The following P3H1 variants were observed in gnomAD, a reference collection of about 807,000 sequenced individuals.
P3H1 encodes prolyl 3-hydroxylase 1.
P3H1 carries 69 observed loss-of-function variants against 84.0 expected under a neutral mutation model. The ratio of observed to expected loss-of-function variants is 0.82; its 90% CI spans 0.68 to 1.00. The LOEUF (loss-of-function observed/expected upper bound fraction) is 1.00, where lower values mean the gene tolerates loss of function less well. P3H1 is among the 50% of genes least tolerant of loss of function. The pLI is 0.00. For synonymous variants in P3H1, 366 were observed against 388.8 expected (o/e 0.94, Z 0.69); for missense variants, 878 against 962.8 (o/e 0.91, Z 1.17).
chr1:42,754,852 T>C lies in P3H1; in HGVS notation c.1345+17A>G. 6.2e-7 allele frequency: 1 copy of C among 1,614,090 alleles called. No homozygotes were observed. The highest frequency in any genetic ancestry group is 1.1e-5 in the South Asian group (1 of 91,066). On this transcript the variant is annotated intron_variant, in intron 8 of 14. Coordinates refer to ENST00000296388, the MANE Select transcript of P3H1 (RefSeq NM_022356.4). The surrounding 1 kb of genome is among the most constrained non-coding windows in gnomAD (Gnocchi z 4.0). Reference sequence around the variant, plus strand: ...CCCTGACAACAGCCAGACATGCCCCTATTTCTGTCCTCTCACCTTCCCGGG... The same window carrying C: ...CCCTGACAACAGCCAGACATGCCCCCATTTCTGTCCTCTCACCTTCCCGGG...
At chr1:42,756,962 A>G (rs1168412222) in intron 5 of P3H1, among the ~76,000 whole-genome samples, 1 of 152,260 alleles carries the variant, frequency 6.6e-6, no homozygotes, top group Non-Finnish European at 1.5e-5. Context: ...TCGCCTGGAC[A>G]GCGGCTCAAC....
rs149113630 is a variant in P3H1, at chr1:42,759,316, C to T, written c.693G>A (p.Ala231=). The change falls in exon 3 of 15, where the codon GCG becomes GCA. Residue 231 remains alanine, a synonymous_variant. Transcript: ENST00000296388. ...CATAGGCCACAAAGTATTCTTGCAG[C>T]GCCGCCTCTAGGTGGGGCACAGCTT... ...PQEAVPHLEA[A]LQEYFVAYEE... 910 of 1,614,182 alleles carry T rather than the reference C, an allele frequency of 5.6e-4. 1 individual carries two copies. The highest frequency in any genetic ancestry group is 7.3e-4 in the Non-Finnish European group (866 of 1,180,024).
In P3H1 at chr1:42,752,660, G is replaced by A. The variant is rs769720603; in HGVS notation, c.1350C>T (p.Gly450=). Residue 450 remains glycine, a synonymous_variant, in exon 9 of 15, where the codon GGC becomes GGT. Transcript: ENST00000296388. ...LDVSRLTREG[G]PLLYEGISLT... ...GACTGATGCCTTCATACAGCAGGGG[G>A]CCACCTGCAAAGCAATGACAAAACT... The A allele has an allele frequency of 1.9e-6, 3 of 1,614,194 alleles. No homozygotes were observed. The highest frequency in any genetic ancestry group is 1.1e-5 in the South Asian group (1 of 91,080).
chr1:42,757,935 A>G lies in P3H1; in HGVS notation c.941-13T>C. On this transcript the variant is annotated splice_polypyrimidine_tract_variant and intron_variant, in intron 4 of 14. Transcript: ENST00000296388. The stretch of plus-strand genomic sequence containing the variant: ...GTATAATTCCCAACTGCAAAGTGGA[A>G]AGAAGAATGGCTGAGAGGAAAGAGT... 1 of 1,612,244 alleles carries G rather than the reference A, an allele frequency of 6.2e-7. No homozygotes were observed. Among genetic ancestry groups the G allele is most frequent in the Non-Finnish European group, 8.5e-7 (1 of 1,178,224 alleles).
chr1:42,755,668 G>A (rs773121947), intron 5 of P3H1, 31 bp from the exon 6 acceptor site: 2 of 1,560,606 alleles, frequency 1.3e-6, no homozygotes, highest in East Asian at 2.2e-5. Flanking sequence ...AAATCCCCCA[G>A]AACTCAGCCC....
At chr1:42,758,696 A>G (rs760119101) in intron 4 of P3H1, among the ~76,000 whole-genome samples, 156 bp downstream of exon 4, 18 of 152,210 alleles carry the variant, frequency 1.2e-4, no homozygotes, top group Non-Finnish European at 2.1e-4. Context: ...CCAGTTGTTT[A>G]TAACAAACTA....
rs567889834 is a variant in P3H1 at position 42,754,754 on chromosome 1, G to T, written c.1345+115C>A. ...TCCACTGAACTTGCACCCTAAGGGT[G>T]GCTGGCTCATGGTGAGCTCTGCAAT... On this transcript the variant is annotated intron_variant, in intron 8 of 14. Coordinates refer to ENST00000296388, the MANE Select transcript of P3H1 (RefSeq NM_022356.4). The surrounding 1 kb of genome is among the most constrained non-coding windows in gnomAD (Gnocchi z 4.0). 2.2e-6 allele frequency: 3 copies of T among 1,390,708 alleles called. No homozygotes were observed. In the South Asian group the frequency reaches 3.6e-5, roughly 16 times the overall value. 86.1% of individuals were successfully genotyped at this position (1,390,708 alleles called of 1,614,324 possible). A position where few individuals can be genotyped will look rare whatever the true frequency, so the allele number is the denominator to read the frequency against.
In P3H1 at chr1:42,754,983, G is replaced by A. The variant is rs146128481; in HGVS notation, c.1231C>T (p.Arg411Trp). 1.1e-5 allele frequency: 17 copies of A among 1,614,000 alleles called. No individual in the cohort carries two copies. In the Admixed American group the frequency reaches 2.0e-4, roughly 19 times the overall value. The change falls in exon 8 of 15, where the codon CGG becomes TGG. Residue 411 changes from arginine to tryptophan, a missense_variant. Physicochemically the swap from Arg to Trp is moderately radical, Grantham distance 101 (BLOSUM62 -3). Transcript: ENST00000296388. The surrounding 1 kb of genome is among the most constrained non-coding windows in gnomAD (Gnocchi z 4.0). ...KRLQEKQKSE[R>W]ETAVRISQEI... ...TGGGAGATGCGTACGGCTGTTTCCCGTTCTGACCTATGAGCACAGCCGCTC... is the reference window on the plus strand; with the variant it reads ...TGGGAGATGCGTACGGCTGTTTCCCATTCTGACCTATGAGCACAGCCGCTC...
At chr1:42,749,779 T>C (rs968586702) in intron 11 of P3H1, 3 of 193,752 alleles carry the variant, frequency 1.5e-5, no homozygotes, top group African/African-American at 6.9e-5. Context: ...TTGTTGTTAT[T>C]ATTTTTGCTT....
chr1:42,765,564 G>T (rs772097820), intron 1 of P3H1, among the ~76,000 whole-genome samples: 11 of 151,964 alleles, frequency 7.2e-5, no homozygotes, highest in Admixed American at 3.3e-4. Context: ...CAATTATTTT[G>T]ATTTCAAGTC....
intron 5 of P3H1, among the ~76,000 whole-genome samples, chr1:42,757,349 T>C (rs780959416): frequency 5.9e-5 from 9 of 151,724 alleles, no homozygotes; most frequent in Non-Finnish European, 1.2e-4. Flanking sequence ...TGCTGAAAGA[T>C]GGGAGAGAAC....
At chr1:42,755,713 AC>A in intron 5 of P3H1, 76 bp from the exon 6 acceptor site, 1 of 1,075,792 alleles carries the variant, frequency 9.3e-7, no homozygotes, top group Non-Finnish European at 1.4e-6. Context: ...CCTCCCTGGC[AC>A]CCCACACTGA....
chr1:42,758,048 G>T (rs1652500819), intron 4 of P3H1, 126 bp from the exon 5 acceptor site: 1 of 861,560 alleles, frequency 1.2e-6, no homozygotes, highest in Non-Finnish European at 2.0e-6. Flanking sequence ...TGACAAGCTG[G>T]TGCCTGCTAC....
At chr1:42,766,475 C>G in intron 1 of P3H1, 32 bp downstream of exon 1, 1 of 1,557,118 alleles carries the variant, frequency 6.4e-7, no homozygotes, top group Middle Eastern at 1.7e-4. Flanking sequence ...CCCAGAAGGA[C>G]CCCGGCCGCC....
At chr1:42,760,334 T>C (rs1345516340) in intron 2 of P3H1, 1 of 151,918 alleles carries the variant, frequency 6.6e-6, no homozygotes, top group Non-Finnish European at 1.5e-5. Context: ...TAAACACAAC[T>C]TACTTTTTGT....
chr1:42,766,863 G>C lies in P3H1; in HGVS notation c.109C>G (p.Leu37Val). 6.2e-7 allele frequency: 1 copy of C among 1,607,236 alleles called. No homozygotes were observed. The highest frequency in any genetic ancestry group is 2.2e-5 in the East Asian group (1 of 44,866). Reference sequence around the variant, plus strand: ...GCTGCGGTCCCCTCGGCGAAGAGCAGATCAGGCGTCACCATGCCCCATCCT... The same window carrying C: ...GCTGCGGTCCCCTCGGCGAAGAGCACATCAGGCGTCACCATGCCCCATCCT... ...EAGWGMVTPDLLFAEGTAAYA... is the reference protein window; with the variant it reads ...EAGWGMVTPDVLFAEGTAAYA... The change falls in exon 1 of 15, where the codon CTG becomes GTG. Residue 37 changes from leucine to valine, a missense_variant. Leu to Val is a conservative substitution (Grantham distance 32). Coordinates refer to ENST00000296388, the MANE Select transcript of P3H1 (RefSeq NM_022356.4).
At chr1:42,746,987 T>C in intron 14 of P3H1, 135 bp from the exon 15 acceptor site, 1 of 1,614,096 alleles carries the variant, frequency 6.2e-7, no homozygotes, top group Non-Finnish European at 8.5e-7. Flanking sequence ...CAGGTCCTAC[T>C]CTCTGGAAAA....
chr1:42,765,320 T>A (rs972944351), intron 1 of P3H1, among the ~76,000 whole-genome samples: 1 of 152,222 alleles, frequency 6.6e-6, no homozygotes, highest in African/African-American at 2.4e-5. Context: ...GAAGTCTAAT[T>A]TCTCTGAGAT....
At position 42,747,231 on chromosome 1, in the gene P3H1, C is replaced by T. The variant is rs751605347; in HGVS notation, c.2055+41G>A. The T allele has an allele frequency of 6.2e-7, 1 of 1,614,148 alleles. No homozygotes were observed. Among genetic ancestry groups the T allele is most frequent in the Non-Finnish European group, 8.5e-7 (1 of 1,180,042 alleles). On this transcript the variant is annotated intron_variant, in intron 14 of 14. Coordinates refer to ENST00000296388, the MANE Select transcript of P3H1 (RefSeq NM_022356.4). ...CCAAGGGCGCTCTGGGAACGGGTCA[C>T]CACAGCACCAGCTGCTCTCACCCGC...
Sources: allele counts gnomAD v4.1 joint callset (sites outside exome capture counted in the v4.1 genomes callset), GRCh38; gene constraint gnomAD v4.1.1; non-coding constraint Gnocchi (gnomAD v3.1); transcripts MANE v1.5; gene names NCBI Gene and HGNC (gene_info 2026-07-23, HGNC 2026-07-21).